Variants in MTA3 observed in about 807,000 individuals in gnomAD.
The protein encoded by MTA3 is metastasis-associated protein MTA3.
Under a neutral mutation model 83.5 loss-of-function variants are expected in MTA3, and 34 were observed. The observed-to-expected ratio is 0.41, with a 90% CI of 0.31 to 0.54. The LOEUF is 0.54. Among genes scored for constraint, MTA3 ranks in the 20% least tolerant of loss-of-function variants. MTA3 has a pLI of 0.33. For missense variants in MTA3, 761 were observed against 726.4 expected, an observed-to-expected ratio of 1.05 and a Z score of -0.55; for synonymous variants, 303 against 252.7, an observed-to-expected ratio of 1.20 and a Z score of -1.89.
At chr2:42,636,590 A>C (rs935391695) in intron 4 of MTA3, among the ~76,000 whole-genome samples, 27 of 151,458 alleles carry the variant, frequency 1.8e-4, no homozygotes, top group Admixed American at 2.6e-4. Context: ...GGCAGGGGGT[A>C]AATGATCACT....
At chr2:42,670,047 G>C (rs1050538911) in intron 8 of MTA3, among the ~76,000 whole-genome samples, 3 of 152,138 alleles carry the variant, frequency 2.0e-5, no homozygotes, top group Non-Finnish European at 4.4e-5. Flanking sequence ...ATCATCTGAG[G>C]TCAGGAGTTC....
At chr2:42,536,467 C>T (rs1676241483) in intron 2 of MTA3, among the ~76,000 whole-genome samples, 1 of 151,654 alleles carries the variant, frequency 6.6e-6, no homozygotes, top group Non-Finnish European at 1.5e-5. Context: ...AAGATCGAAA[C>T]TCCATCTCAA....
upstream of MTA3, among the ~76,000 whole-genome samples, chr2:42,564,725 T>C (rs1677830823): frequency 1.3e-5 from 2 of 152,234 alleles, no homozygotes; most frequent in African/African-American, 2.4e-5. Flanking sequence ...TCCAGGCTCC[T>C]GTCCTGGGTT....
intron 7 of MTA3, among the ~76,000 whole-genome samples, chr2:42,657,189 A>G (rs1689248243): frequency 6.6e-6 from 1 of 152,236 alleles, no homozygotes; most frequent in Non-Finnish European, 1.5e-5. Flanking sequence ...AGTGGATGCA[A>G]GGGTCTTCAT....
intron 2 of MTA3, among the ~76,000 whole-genome samples, chr2:42,553,151 C>T (rs942553974): frequency 2.0e-5 from 3 of 151,120 alleles, no homozygotes; most frequent in East Asian, 3.9e-4. Flanking sequence ...GTGGGCCGGG[C>T]GCAGTGGCTC....
At chr2:42,548,878 T>TATATATATATATAATATATATATATATA (rs1558428538) in intron 2 of MTA3, among the ~76,000 whole-genome samples, 2 of 11,296 alleles carry the variant, frequency 1.8e-4, no homozygotes, top group Non-Finnish European at 2.7e-4. Flanking sequence ...ATATATATAA[T>TATATATATATATAATATATATATATATA]ATATATATAT....
At chr2:42,649,981 G>T (rs966363242) in intron 6 of MTA3, among the ~76,000 whole-genome samples, 3 of 152,054 alleles carry the variant, frequency 2.0e-5, no homozygotes, top group Non-Finnish European at 2.9e-5. Flanking sequence ...TTTTTGGAAT[G>T]CTCTGGTTAC....
chr2:42,595,991 TC>T (rs765444402), intron 3 of MTA3, among the ~76,000 whole-genome samples: 10 of 152,020 alleles, frequency 6.6e-5, no homozygotes, highest in Non-Finnish European at 1.3e-4. Flanking sequence ...TCTTAATACT[TC>T]CGAGAGAAAT....
Position 42,682,439 on chromosome 2 carries a change from T to A in MTA3, c.741T>A (p.Asp247Glu), listed in dbSNP as rs1244728437. The stretch of plus-strand genomic sequence containing the variant: ...ATACATTGTATAGACACAGCTATGA[T>A]TTGAGCAGTGCCATTAGTGTCTTAG... Reference protein sequence around the residue: ...AMDTLYRHSYDLSSAISVLVP... With the variant: ...AMDTLYRHSYELSSAISVLVP... Residue 247 changes from aspartate (D) to glutamate (E), a missense_variant, in exon 9 of 17, where the codon GAT (aspartate) becomes GAA (glutamate). Transcript: ENST00000405094. 1.2e-6 allele frequency: 2 copies of A among 1,611,616 alleles called. No homozygotes were observed. The highest frequency in any genetic ancestry group is 1.7e-6 in the Non-Finnish European group (2 of 1,178,776).
chr2:42,654,205 T>C (rs1252948603), intron 6 of MTA3, among the ~76,000 whole-genome samples: 1 of 152,220 alleles, frequency 6.6e-6, no homozygotes, highest in Non-Finnish European at 1.5e-5. Context: ...AGGGACAGAA[T>C]GGGCAGGTCT....
intron 3 of MTA3, among the ~76,000 whole-genome samples, chr2:42,580,084 C>T (rs569869218): frequency 6.6e-6 from 1 of 152,156 alleles, no homozygotes; most frequent in Non-Finnish European, 1.5e-5. Flanking sequence ...GCTGGGTCCA[C>T]AGGTGTGCAC....
intron 5 of MTA3, among the ~76,000 whole-genome samples, chr2:42,641,861 T>C (rs1687725986): frequency 6.6e-6 from 1 of 151,654 alleles, no homozygotes; most frequent in African/African-American, 2.4e-5. Context: ...AGTGAGACCT[T>C]GTCTTAAAAA....
chr2:42,724,096 G>C (rs1312788586), intron 16 of MTA3, among the ~76,000 whole-genome samples: 2 of 152,096 alleles, frequency 1.3e-5, no homozygotes, highest in Admixed American at 6.6e-5. Context: ...CTGATGTCTA[G>C]ACAGCAGAAG....
chr2:42,509,363 G>A (rs534208386), intron 2 of MTA3, among the ~76,000 whole-genome samples: 3 of 152,132 alleles, frequency 2.0e-5, no homozygotes, highest in Non-Finnish European at 2.9e-5. Flanking sequence ...CTTATTTACC[G>A]TCTGTCTCCC....
chr2:42,525,074 C>T (rs1213409224), intron 2 of MTA3, among the ~76,000 whole-genome samples: 7 of 151,522 alleles, frequency 4.6e-5, no homozygotes, highest in Non-Finnish European at 8.8e-5. Flanking sequence ...CATCCTTTAG[C>T]GTTAGGTATA....
intron 2 of MTA3, among the ~76,000 whole-genome samples, chr2:42,560,260 G>T (rs1242168813): frequency 1.3e-5 from 2 of 151,178 alleles, no homozygotes; most frequent in Non-Finnish European, 2.9e-5. Flanking sequence ...GACCTGAGGT[G>T]ATCTGCCTGC....
At chr2:42,701,654 G>A (rs190354198) in intron 11 of MTA3, among the ~76,000 whole-genome samples, 15 of 152,274 alleles carry the variant, frequency 9.9e-5, no homozygotes, top group African/African-American at 2.9e-4. Context: ...AGTGACTTAC[G>A]CCTGTAATCC....
chr2:42,521,749 C>A (rs1344245532), intron 2 of MTA3, among the ~76,000 whole-genome samples: 1 of 102,944 alleles, frequency 9.7e-6, no homozygotes, highest in East Asian at 2.8e-4. Context: ...GAATCTTTCT[C>A]TCTTTTTTTT....
At chr2:42,616,106 G>C (rs966675457) in intron 4 of MTA3, among the ~76,000 whole-genome samples, 3 of 151,866 alleles carry the variant, frequency 2.0e-5, no homozygotes, top group Non-Finnish European at 4.4e-5. Context: ...CATCACCCAG[G>C]CTAGAGTGCA....
Sources: gnomAD v4.1 joint callset for allele counts (sites outside exome capture counted in the v4.1 genomes callset) on GRCh38, gnomAD v4.1.1 for gene constraint, MANE v1.5 for transcripts, NCBI Gene and HGNC (gene_info 2026-07-23, HGNC 2026-07-21) for gene names.